Variants in SAMD3 observed in about 807,000 individuals in gnomAD.
The protein encoded by SAMD3 is sterile alpha motif domain-containing protein 3.
In SAMD3, 63 loss-of-function variants were observed where a neutral mutation model predicts 58.5. The ratio of observed to expected loss-of-function variants is 1.08; its 90% CI spans 0.88 to 1.33. The LOEUF (loss-of-function observed/expected upper bound fraction) is 1.33. SAMD3 is among the 40% of genes most tolerant of loss of function. The pLI is 0.00. For synonymous variants in SAMD3, 220 were observed against 210.3 expected, an observed-to-expected ratio of 1.05 and a Z score of -0.40; for missense variants, 604 against 608.4, an observed-to-expected ratio of 0.99 and a Z score of 0.08.
intron 2 of SAMD3, among the ~76,000 whole-genome samples, chr6:130,259,246 A>G (rs1274481883): frequency 6.6e-6 from 1 of 152,228 alleles, no homozygotes; most frequent in Non-Finnish European, 1.5e-5. Context: ...TATTTGGCTT[A>G]TGATTCTGAT....
At chr6:130,331,829 G>A (rs534085752) in intron 1 of SAMD3, among the ~76,000 whole-genome samples, 1 of 152,326 alleles carries the variant, frequency 6.6e-6, no homozygotes, top group South Asian at 2.1e-4. Flanking sequence ...GTGCTTCTGT[G>A]TGTTTATGAC....
intron 1 of SAMD3, among the ~76,000 whole-genome samples, chr6:130,317,745 T>C (rs892120585): frequency 6.6e-6 from 1 of 152,190 alleles, no homozygotes; most frequent in African/African-American, 2.4e-5. Context: ...AAAACAGCAG[T>C]TCTCAAGACA....
At chr6:130,343,873 G>A (rs1345996752) in intron 1 of SAMD3, among the ~76,000 whole-genome samples, 2 of 152,124 alleles carry the variant, frequency 1.3e-5, no homozygotes, top group East Asian at 1.9e-4. Flanking sequence ...GCCGAGGCGG[G>A]AGAATCGCTT....
At chr6:130,199,475 T>C (rs1224324650) in intron 5 of SAMD3, among the ~76,000 whole-genome samples, 1 of 152,146 alleles carries the variant, frequency 6.6e-6, no homozygotes, top group Non-Finnish European at 1.5e-5. Context: ...GTTTAAAGAA[T>C]TTGCTGTCAT....
intron 2 of SAMD3, among the ~76,000 whole-genome samples, chr6:130,275,018 T>G (rs77083608): frequency 0.031 from 4,719 of 152,278 alleles, 240 homozygotes; most frequent in African/African-American, 0.11. Context: ...GGATCTTACA[T>G]GAAATGTAGA....
At chr6:130,331,718 C>CA (rs904032157) in intron 1 of SAMD3, among the ~76,000 whole-genome samples, 104 of 151,534 alleles carry the variant, frequency 6.9e-4, no homozygotes, top group African/African-American at 2.4e-3. Context: ...GACTCCATCT[C>CA]AAAAAAAATA....
intron 2 of SAMD3, among the ~76,000 whole-genome samples, chr6:130,250,978 TATGATA>T (rs1773719535): frequency 6.6e-6 from 1 of 152,218 alleles, no homozygotes; most frequent in Non-Finnish European, 1.5e-5. Context: ...TGCTGGGTAA[TATGATA>T]ACCCTGTTTC....
intron 1 of SAMD3, among the ~76,000 whole-genome samples, chr6:130,352,085 G>T: frequency 9.3e-6 from 1 of 107,250 alleles, no homozygotes; most frequent in East Asian, 3.3e-4. Flanking sequence ...AGGGGGGAGG[G>T]ATAGTATTAG....
intron 1 of SAMD3, among the ~76,000 whole-genome samples, chr6:130,360,213 A>C (rs1215673493): frequency 6.6e-6 from 1 of 152,264 alleles, no homozygotes; most frequent in Non-Finnish European, 1.5e-5. Flanking sequence ...TTGTTTACAG[A>C]ACAGATTATC....
chr6:130,271,082 CT>C (rs1455157216), intron 2 of SAMD3, among the ~76,000 whole-genome samples: 2 of 152,034 alleles, frequency 1.3e-5, no homozygotes, highest in African/African-American at 4.8e-5. Flanking sequence ...TCACTGCAAC[CT>C]CCACCTCCTG....
At chr6:130,214,302 GA>G (rs747122550) in intron 4 of SAMD3, 34 bp downstream of exon 4, 313 of 1,374,988 alleles carry the variant, frequency 2.3e-4, no homozygotes, top group South Asian at 2.6e-4. Flanking sequence ...GAAAGCTTGG[GA>G]AAAAAAAATA....
intron 8 of SAMD3, among the ~76,000 whole-genome samples, chr6:130,165,543 A>T (rs1006408693): frequency 6.6e-6 from 1 of 152,188 alleles, no homozygotes; most frequent in South Asian, 2.1e-4. Context: ...CCCCATAAAG[A>T]CAGAGGAGAA....
At chr6:130,208,018 G>A (rs2114817390) in intron 5 of SAMD3, among the ~76,000 whole-genome samples, 1 of 152,326 alleles carries the variant, frequency 6.6e-6, no homozygotes, top group East Asian at 1.9e-4. Context: ...GGGTGGCTAG[G>A]TCCTGTGCTG....
At chr6:130,215,351 T>G (rs1360196999) in intron 2 of SAMD3, 57 bp from the exon 3 acceptor site, 1 of 1,057,678 alleles carries the variant, frequency 9.5e-7, no homozygotes, top group Non-Finnish European at 1.2e-6. Context: ...GTGCCTTAAT[T>G]TTTTTTTTAA....
intron 2 of SAMD3, among the ~76,000 whole-genome samples, chr6:130,279,328 G>T (rs769044673): frequency 1.3e-5 from 2 of 151,922 alleles, no homozygotes; most frequent in Non-Finnish European, 2.9e-5. Context: ...TCATGACAGT[G>T]AGTGAGTTCT....
intron 2 of SAMD3, among the ~76,000 whole-genome samples, chr6:130,310,153 A>G (rs1258686923): frequency 6.6e-6 from 1 of 152,216 alleles, no homozygotes. Flanking sequence ...ATTTTCTGGC[A>G]TGCCTATCCA....
intron 1 of SAMD3, among the ~76,000 whole-genome samples, chr6:130,360,718 T>C (rs1171443288): frequency 1.3e-5 from 2 of 152,106 alleles, no homozygotes; most frequent in African/African-American, 2.4e-5. Context: ...AGGCGTGAAT[T>C]TCCTCTTCCT....
chr6:130,193,506 C>T (rs1256683469), intron 5 of SAMD3, among the ~76,000 whole-genome samples: 1 of 152,048 alleles, frequency 6.6e-6, no homozygotes, highest in African/African-American at 2.4e-5. Context: ...CCCTTTCCCG[C>T]TTTTCTGGAG....
intron 9 of SAMD3, among the ~76,000 whole-genome samples, chr6:130,151,740 C>T (rs1377564041): frequency 6.6e-5 from 10 of 152,136 alleles, no homozygotes; most frequent in African/African-American, 1.9e-4. Context: ...CATGCCTGGC[C>T]GATTTTTTTA....
Sources: gnomAD v4.1 joint callset for allele counts (sites outside exome capture counted in the v4.1 genomes callset) on GRCh38, gnomAD v4.1.1 for gene constraint, MANE v1.5 for transcripts, NCBI Gene and HGNC (gene_info 2026-07-23, HGNC 2026-07-21) for gene names.